The following STARD13 variants were observed in gnomAD, a reference collection of about 807,000 sequenced individuals.
STARD13 encodes the protein stAR-related lipid transfer protein 13.
STARD13 carries 62 observed loss-of-function variants against 106.4 expected under a neutral mutation model. That is an observed-to-expected ratio of 0.58 (90% CI 0.48 to 0.72). The LOEUF is 0.72. STARD13 is among the 30% of genes least tolerant of loss of function. The pLI, the probability that STARD13 is intolerant of heterozygous loss-of-function variation, is 0.00. For synonymous variants in STARD13, 565 were observed against 553.0 expected, an observed-to-expected ratio of 1.02 and a Z score of -0.31; for missense variants, 1,387 against 1,424.0, an observed-to-expected ratio of 0.97 and a Z score of 0.42.
At chr13:33,150,720 C>T (rs922790233) in intron 3 of STARD13, among the ~76,000 whole-genome samples, 6 of 152,196 alleles carry the variant, frequency 3.9e-5, no homozygotes, top group Admixed American at 6.5e-5. Context: ...AGCAGTTTGA[C>T]CCTTTCAGAA....
intron 1 of STARD13, among the ~76,000 whole-genome samples, chr13:33,231,220 G>C (rs1309905899): frequency 6.6e-6 from 1 of 152,154 alleles, no homozygotes; most frequent in Admixed American, 6.5e-5. Context: ...TGAGGGGCTG[G>C]TCAGGCCCTC....
chr13:33,627,795 T>G, the STARD13 span, among the ~76,000 whole-genome samples: 1 of 152,164 alleles, frequency 6.6e-6, no homozygotes, highest in African/African-American at 2.4e-5. Context: ...TATGTACATG[T>G]GTCATTTATG....
chr13:33,205,272 A>T (rs2092561296), intron 1 of STARD13, among the ~76,000 whole-genome samples: 1 of 152,240 alleles, frequency 6.6e-6, no homozygotes. Context: ...AAGATAAACT[A>T]CAGAAGATCC....
intron 1 of STARD13, among the ~76,000 whole-genome samples, 165 bp from the exon 2 acceptor site, chr13:33,167,787 G>A (rs1365813998): frequency 6.6e-6 from 1 of 152,094 alleles, no homozygotes; most frequent in Non-Finnish European, 1.5e-5. Context: ...GGTGGAAAAC[G>A]AGCGGGTAAT....
the STARD13 span, among the ~76,000 whole-genome samples, chr13:33,544,768 CTCTTT>C: frequency 1.4e-4 from 18 of 131,804 alleles, 1 homozygote; most frequent in African/African-American, 4.5e-4. Context: ...GTTGTTTTTT[CTCTTT>C]TTTTTTTTTT....
chr13:33,427,955 C>CAAAAAAAAAAAAA, the STARD13 span, among the ~76,000 whole-genome samples: 3 of 100,946 alleles, frequency 3.0e-5, no homozygotes, highest in African/African-American at 1.1e-4. Flanking sequence ...AACTCCGTCT[C>CAAAAAAAAAAAAA]AAAAAAAAAA....
the STARD13 span, among the ~76,000 whole-genome samples, chr13:33,455,273 T>G: frequency 1.3e-5 from 2 of 152,216 alleles, no homozygotes; most frequent in Admixed American, 1.3e-4. Flanking sequence ...AGTGTCACGA[T>G]AGTGGAAAGT....
the STARD13 span, among the ~76,000 whole-genome samples, chr13:33,596,817 C>T: frequency 6.6e-6 from 1 of 152,172 alleles, no homozygotes. Flanking sequence ...CTTATTTCAC[C>T]TAACATAACG....
At chr13:33,501,293 G>C in the STARD13 span, among the ~76,000 whole-genome samples, 2 of 152,004 alleles carry the variant, frequency 1.3e-5, no homozygotes, top group Non-Finnish European at 2.9e-5. Flanking sequence ...GGCCAGGCTG[G>C]TCTTGAACTC....
At chr13:33,272,356 G>A (rs183986821) in intron 1 of STARD13, among the ~76,000 whole-genome samples, 106 of 152,216 alleles carry the variant, frequency 7.0e-4, no homozygotes, top group African/African-American at 2.3e-3. Context: ...ATTCTGAAGC[G>A]TTTCAGACTT....
Position 33,130,875 on chromosome 13 carries a change from AG to A in STARD13, c.388-587del, listed in dbSNP as rs1878188450. 6.6e-6 allele frequency among the ~76,000 whole-genome samples: 1 copy of A among 152,222 alleles called. No homozygotes were observed. The highest frequency in any genetic ancestry group is 1.5e-5 in the Non-Finnish European group (1 of 68,038). On this transcript the variant is annotated intron_variant, in intron 4 of 13. Coordinates refer to ENST00000336934, the MANE Select transcript of STARD13 (RefSeq NM_178006.4). This position sits in a 1 kb window ranked among gnomAD's most constrained non-coding sequence, Gnocchi z 4.1. ...TGAACCACTGAATTTCTTTAAGTAG[AG>A]ATGAGGGAGCCATTCTGGAGATCGC...
the STARD13 span, among the ~76,000 whole-genome samples, chr13:33,650,164 A>ATGTTT: frequency 1.9e-4 from 9 of 48,376 alleles, no homozygotes; most frequent in Admixed American, 7.6e-4. Context: ...CGTGACTCCA[A>ATGTTT]TTTTTTTTTT....
At chr13:33,166,616 T>C (rs1363440625) in intron 2 of STARD13, among the ~76,000 whole-genome samples, 1 of 152,200 alleles carries the variant, frequency 6.6e-6, no homozygotes, top group Non-Finnish European at 1.5e-5. Context: ...CATTACTAGA[T>C]AAGGACAATC....
At chr13:33,448,156 T>C in the STARD13 span, among the ~76,000 whole-genome samples, 2 of 152,184 alleles carry the variant, frequency 1.3e-5, no homozygotes, top group African/African-American at 4.8e-5. Context: ...TATAATAGCG[T>C]ATCCAGCACT....
Position 33,129,654 on chromosome 13 carries a change from G to T in STARD13, c.1023C>A (p.Ser341Arg). The change falls in exon 5 of 14, where the codon AGC becomes AGA. Residue 341 changes from serine (S) to arginine (R), a missense_variant. Ser to Arg is a moderately radical substitution (Grantham distance 110, BLOSUM62 -1). Transcript: ENST00000336934. ...CCTTCAGGCAGGGCGTGCTCACCCC[G>T]CTGCTGCTGTGCTCCGACGGGCTGC... ...GESSPSEHSS[S>R]GVSTPCLKER... The T allele has an allele frequency of 6.2e-7, 1 of 1,613,900 alleles. No homozygotes were observed.
rs956302892 is a variant in STARD13, at chr13:33,261,891, T to C, written c.169+23579A>G. Among the ~76,000 whole-genome samples the C allele has an allele frequency of 7.2e-5, 11 of 152,244 alleles. No homozygotes were observed. In the East Asian group the frequency reaches 2.1e-3, roughly 29 times the overall value. ...ACACTGTATGCACGGGTTGCTTGGGTTCGGAAGGCAGGGCAGCCCATTCCT... is the reference window on the plus strand; with the variant it reads ...ACACTGTATGCACGGGTTGCTTGGGCTCGGAAGGCAGGGCAGCCCATTCCT... On this transcript the variant is annotated intron_variant, in intron 1 of 13. Transcript: ENST00000336934.
At chr13:33,498,138 T>C in the STARD13 span, among the ~76,000 whole-genome samples, 1 of 152,174 alleles carries the variant, frequency 6.6e-6, no homozygotes, top group Non-Finnish European at 1.5e-5. Context: ...TAAAAGCATC[T>C]AGTTCTTTGC....
In STARD13 at chr13:33,129,718, C is replaced by T. The variant is rs2138168782; in HGVS notation, c.959G>A (p.Arg320Lys). The change falls in exon 5 of 14, where the codon AGA (arginine) becomes AAA (lysine). Residue 320 changes from arginine (R) to lysine (K), a missense_variant. By Grantham distance (26) the Arg-to-Lys change is conservative. Coordinates refer to ENST00000336934, the MANE Select transcript of STARD13 (RefSeq NM_178006.4). The part of the protein sequence containing the change: ...DLQNSPPPAC[R>K]KGLPCSGKSS... ...CTTGCCAGAGCATGGGAGCCCTTTTCTGCAGGCAGGTGGCGGCGAATTCTG... is the reference window on the plus strand; with the variant it reads ...CTTGCCAGAGCATGGGAGCCCTTTTTTGCAGGCAGGTGGCGGCGAATTCTG... The T allele has an allele frequency of 6.2e-7, 1 of 1,614,144 alleles. No homozygotes were observed. Among genetic ancestry groups the T allele is most frequent in the East Asian group, 2.2e-5 (1 of 44,878 alleles).
At chr13:33,607,224 AAAT>A in the STARD13 span, among the ~76,000 whole-genome samples, 2 of 152,060 alleles carry the variant, frequency 1.3e-5, no homozygotes, top group Non-Finnish European at 2.9e-5. Flanking sequence ...CTAATAATAA[AAAT>A]AATAACAAAA....
Sources: allele counts gnomAD v4.1 joint callset (sites outside exome capture counted in the v4.1 genomes callset), GRCh38; gene constraint gnomAD v4.1.1; non-coding constraint Gnocchi (gnomAD v3.1); transcripts MANE v1.5; gene names NCBI Gene and HGNC (gene_info 2026-07-23, HGNC 2026-07-21).